Variants in MOGAT3 observed in about 807,000 individuals in gnomAD.
The protein encoded by MOGAT3 is monoacylglycerol O-acyltransferase 3.
Under a neutral mutation model 34.4 loss-of-function variants are expected in MOGAT3, and 39 were observed. The observed-to-expected ratio is 1.13, with a 90% CI of 0.88 to 1.48. MOGAT3 has a LOEUF of 1.48. Among genes scored for constraint, MOGAT3 ranks in the 40% most tolerant of loss-of-function variants. The pLI, the probability that MOGAT3 is intolerant of heterozygous loss-of-function variation, is 0.00. For synonymous variants in MOGAT3, 209 were observed against 179.2 expected, an observed-to-expected ratio of 1.17 and a Z score of -1.33; for missense variants, 439 against 438.9, an observed-to-expected ratio of 1.00 and a Z score of 0.00.
rs201045596 is a variant in MOGAT3 at position 101,195,979 on chromosome 7, C to G, written c.993G>C (p.Gly331=). The change falls in exon 7 of 7, where the codon GGG becomes GGC. Residue 331 remains glycine, a synonymous_variant. Transcript: ENST00000223114. The part of the protein sequence containing the change: ...QLFEEHKESC[G]VPASTCLTFI ...AGGTGAGGCAGGTGGAAGCGGGGACCCCACAGCTTTCCTTGTGCTCCTCGA... is the reference window on the plus strand; with the variant it reads ...AGGTGAGGCAGGTGGAAGCGGGGACGCCACAGCTTTCCTTGTGCTCCTCGA... The G allele has an allele frequency of 9.2e-5, 148 of 1,614,150 alleles. 2 individuals are homozygous for G. The East Asian group carries it at 3.1e-3, about 34-fold the overall frequency.
At chr7:101,200,707 C>T in intron 1 of MOGAT3, 39 bp downstream of exon 1, 1 of 1,571,616 alleles carries the variant, frequency 6.4e-7, no homozygotes, top group Non-Finnish European at 8.7e-7. Context: ...CCCTACTCCC[C>T]TGGCAGACCC....
chr7:101,199,679 A>G (rs1797899367), intron 3 of MOGAT3, among the ~76,000 whole-genome samples: 2 of 147,284 alleles, frequency 1.4e-5, no homozygotes, highest in South Asian at 4.3e-4. Context: ...CAGTGGCGCA[A>G]TCATGGCTCA....
rs773964850 is a variant in MOGAT3 at position 101,196,107 on chromosome 7, G to T, written c.872-7C>A. The T allele has an allele frequency of 9.4e-6, 15 of 1,603,546 alleles. 1 individual carries two copies. In the South Asian group the frequency reaches 1.2e-4, roughly 13 times the overall value. ...ACGGGGATGGGGCGGCCCACTGCAGGGAGAGGGAGACAGGTGGGCGAGGGA... is the reference window on the plus strand; with the variant it reads ...ACGGGGATGGGGCGGCCCACTGCAGTGAGAGGGAGACAGGTGGGCGAGGGA... On this transcript the variant is annotated splice_region_variant and splice_polypyrimidine_tract_variant and intron_variant, in intron 6 of 6. Coordinates refer to ENST00000223114, the MANE Select transcript of MOGAT3 (RefSeq NM_178176.4).
At chr7:101,193,713 C>A (rs1376809599), downstream of MOGAT3, among the ~76,000 whole-genome samples, 1 of 152,152 alleles carries the variant, frequency 6.6e-6, no homozygotes, top group African/African-American at 2.4e-5. Context: ...CAGGCATGAG[C>A]CACCATGCCT....
chr7:101,197,824 C>T (rs1264222490), intron 5 of MOGAT3, among the ~76,000 whole-genome samples: 12 of 152,106 alleles, frequency 7.9e-5, no homozygotes, highest in African/African-American at 2.9e-4. Context: ...GCCGAGACCA[C>T]GCCTTTGCAC....
downstream of MOGAT3, among the ~76,000 whole-genome samples, chr7:101,193,775 T>C (rs1441479691): frequency 6.6e-6 from 1 of 152,174 alleles, no homozygotes; most frequent in Non-Finnish European, 1.5e-5. Flanking sequence ...GTAGAACTTA[T>C]TATCTGAGAA....
rs772087508 is a variant in MOGAT3 at position 101,195,898 on chromosome 7, G to T, written c.*48C>A. The T allele has an allele frequency of 3.1e-6, 5 of 1,601,388 alleles. 1 individual carries two copies. The South Asian group carries it at 5.5e-5, about 18-fold the overall frequency. ...GGCATGGAGTCCACAGTGGGTGGAGGTCTCAGTGCCTTGGGCTCAGGGGCT... is the reference window on the plus strand; with the variant it reads ...GGCATGGAGTCCACAGTGGGTGGAGTTCTCAGTGCCTTGGGCTCAGGGGCT... On this transcript the variant is annotated 3_prime_UTR_variant, in exon 7 of 7. Transcript: ENST00000223114.
Position 101,198,843 on chromosome 7 carries a change from G to A in MOGAT3, c.289-13C>T. On this transcript the variant is annotated splice_polypyrimidine_tract_variant and intron_variant, in intron 3 of 6. Transcript: ENST00000223114. ...CTGTTTTCACCAGCTTCGGGGTGTTGAGCAGGATGAAGGGAGGATGGAAGG... is the reference window on the plus strand; with the variant it reads ...CTGTTTTCACCAGCTTCGGGGTGTTAAGCAGGATGAAGGGAGGATGGAAGG... The A allele has an allele frequency of 8.1e-6, 13 of 1,613,514 alleles. No individual in the cohort carries two copies. The highest frequency in any genetic ancestry group is 1.1e-5 in the Non-Finnish European group (13 of 1,179,600).
intron 3 of MOGAT3, among the ~76,000 whole-genome samples, chr7:101,199,122 C>T (rs1192331802): frequency 1.3e-5 from 2 of 151,916 alleles, no homozygotes; most frequent in African/African-American, 4.8e-5. Flanking sequence ...ATCCTCCTGC[C>T]TCAGCCTCCC....
At chr7:101,200,591 TC>T in intron 1 of MOGAT3, 76 bp from the exon 2 acceptor site, 1 of 1,357,260 alleles carries the variant, frequency 7.4e-7, no homozygotes, top group Non-Finnish European at 1.0e-6. Flanking sequence ...CTTCCCTTCC[TC>T]CCCTTCAGAA....
rs1283233146 is a variant in MOGAT3, at chr7:101,196,219, A to G, written c.839T>C (p.Leu280Pro). 1 of 1,585,878 alleles carries G rather than the reference A, an allele frequency of 6.3e-7. No homozygotes were observed. Among genetic ancestry groups the G allele is most frequent in the East Asian group, 2.3e-5 (1 of 43,670 alleles). The change falls in exon 6 of 7, where the codon CTG becomes CCG. Residue 280 changes from leucine (L) to proline (P), a missense_variant. Physicochemically the swap from Leu to Pro is moderately conservative, Grantham distance 98. Transcript: ENST00000223114. ...GGTGATGGGCACAGCAAAGGGCAGC[A>G]GGCCCCAGGAGGTGGCTGAGAAGAG... The part of the protein sequence containing the change: ...RGLFSATSWG[L>P]LPFAVPITTV...
rs1797823484 is a variant in MOGAT3 at position 101,197,494 on chromosome 7, C to CA, written c.668+696dup. 4.6e-5 allele frequency among the ~76,000 whole-genome samples: 7 copies of CA among 152,286 alleles called. No individual in the cohort carries two copies. The South Asian group carries it at 1.5e-3, about 32-fold the overall frequency. ...TGAACCACCACGCCCAGCCGGGACT[C>CA]ACATTTCTTGAGACACAGTTGTGTA... On this transcript the variant is annotated intron_variant, in intron 5 of 6. Coordinates refer to ENST00000223114, the MANE Select transcript of MOGAT3 (RefSeq NM_178176.4).
In MOGAT3 at chr7:101,196,021, C is replaced by A. The variant is rs755711569; in HGVS notation, c.951G>T (p.Thr317=). Residue 317 remains threonine (T), a synonymous_variant, in exon 7 of 7, where the codon ACG becomes ACT. Coordinates refer to ENST00000223114, the MANE Select transcript of MOGAT3 (RefSeq NM_178176.4). ...GCTCCTCGAAGAGCTGCTCCAGGGC[C>A]GTCATGTAGAGGGCGTGATAGTGAT... is the stretch of plus-strand genomic sequence containing the variant. ...EVNHYHALYM[T]ALEQLFEEHK... The A allele has an allele frequency of 3.1e-6, 5 of 1,613,900 alleles. No homozygotes were observed. The highest frequency in any genetic ancestry group is 4.2e-6 in the Non-Finnish European group (5 of 1,180,020).
intron 3 of MOGAT3, 109 bp downstream of exon 3, chr7:101,200,125 T>G: frequency 3.7e-5 from 33 of 893,350 alleles, no homozygotes; most frequent in Non-Finnish European, 5.4e-5. Flanking sequence ...TCCCACTGCC[T>G]GAGCTTAGGC....
chr7:101,199,394 C>T (rs1308676496), intron 3 of MOGAT3, among the ~76,000 whole-genome samples: 1 of 151,294 alleles, frequency 6.6e-6, no homozygotes, highest in African/African-American at 2.4e-5. Context: ...CTCACCACAA[C>T]CTCCGCCTCC....
intron 5 of MOGAT3, among the ~76,000 whole-genome samples, chr7:101,196,691 A>G (rs1002016135): frequency 1.1e-4 from 16 of 152,190 alleles, no homozygotes; most frequent in African/African-American, 3.1e-4. Flanking sequence ...CAACATGGTG[A>G]AACCCCCGTC....
At chr7:101,197,299 C>T (rs1160557635) in intron 5 of MOGAT3, among the ~76,000 whole-genome samples, 1 of 152,194 alleles carries the variant, frequency 6.6e-6, no homozygotes, top group African/African-American at 2.4e-5. Context: ...CCTCCCACCT[C>T]AGCCTCCCGA....
rs1033351011 is a variant in MOGAT3, at chr7:101,195,410, T to A, written c.*536A>T. On this transcript the variant is annotated 3_prime_UTR_variant, in exon 7 of 7. Transcript: ENST00000223114. Reference sequence around the variant, plus strand: ...TTGTAGTTTTAGTAGAGAGGGGGTTTTGCCATTTTGGCCAGGCTGGTCTTG... The same window carrying A: ...TTGTAGTTTTAGTAGAGAGGGGGTTATGCCATTTTGGCCAGGCTGGTCTTG... 2.0e-5 allele frequency: 3 copies of A among 151,986 alleles called. No homozygotes were observed. The highest frequency in any genetic ancestry group is 7.4e-5 in the African/African-American group (3 of 40,768). The allele number at this position is 151,986 out of a possible 1,614,324, so 9.4% of individuals were successfully genotyped here. A position where few individuals can be genotyped will look rare whatever the true frequency, so the allele number is the denominator to read the frequency against.
At chr7:101,194,705 G>T (rs1404465400), downstream of MOGAT3, among the ~76,000 whole-genome samples, 1 of 151,412 alleles carries the variant, frequency 6.6e-6, no homozygotes, top group Non-Finnish European at 1.5e-5. Flanking sequence ...GTTTCACCTT[G>T]TTAGCCAGGA....
Sources: allele counts gnomAD v4.1 joint callset (sites outside exome capture counted in the v4.1 genomes callset), GRCh38; gene constraint gnomAD v4.1.1; transcripts MANE v1.5; gene names NCBI Gene and HGNC (gene_info 2026-07-23, HGNC 2026-07-21).